VTCN1: variants seen among roughly 807,000 people sequenced by gnomAD.
The protein encoded by VTCN1 is V-set domain-containing T-cell activation inhibitor 1.
In VTCN1, 26 loss-of-function variants were observed where a neutral mutation model predicts 26.5. That is an observed-to-expected ratio of 0.98 (90% CI 0.72 to 1.36). The LOEUF (loss-of-function observed/expected upper bound fraction) is 1.36, where lower values mean the gene tolerates loss of function less well. Ranked by LOEUF, VTCN1 falls within the 40% of genes most tolerant of loss-of-function variation. The pLI is 0.00. For missense variants in VTCN1, 298 were observed against 337.7 expected, an observed-to-expected ratio of 0.88 and a Z score of 0.92; for synonymous variants, 116 against 130.7, an observed-to-expected ratio of 0.89 and a Z score of 0.77.
intron 1 of VTCN1, among the ~76,000 whole-genome samples, chr1:117,209,511 C>T (rs546584174): frequency 3.9e-4 from 59 of 152,296 alleles, no homozygotes; most frequent in African/African-American, 9.4e-4. Flanking sequence ...GAGGTGATAA[C>T]GAGTCTTCAC....
At chr1:117,186,047 C>T (rs1295554913) in intron 1 of VTCN1, among the ~76,000 whole-genome samples, 1 of 152,170 alleles carries the variant, frequency 6.6e-6, no homozygotes, top group East Asian at 1.9e-4. Flanking sequence ...GTCTCAGATA[C>T]TTTTAGTTTC....
At chr1:117,198,458 A>T (rs1179562695) in intron 1 of VTCN1, among the ~76,000 whole-genome samples, 1 of 152,212 alleles carries the variant, frequency 6.6e-6, no homozygotes, top group African/African-American at 2.4e-5. Context: ...CCATTGTTTC[A>T]CTGTACTCTG....
intron 4 of VTCN1, among the ~76,000 whole-genome samples, 174 bp downstream of exon 4, chr1:117,152,917 G>A (rs1234001827): frequency 1.3e-5 from 2 of 152,064 alleles, no homozygotes; most frequent in Admixed American, 1.3e-4. Context: ...ATTGTTTTGT[G>A]TTGGGCTTTC....
chr1:117,210,212 TCAGCAGCAGCAG>T (rs71582595), intron 1 of VTCN1, among the ~76,000 whole-genome samples: 57 of 150,122 alleles, frequency 3.8e-4, no homozygotes, highest in Non-Finnish European at 4.6e-4. Context: ...TCTGGGGAGT[TCAGCAGCAGCAG>T]CAGCAGCAGC....
intron 1 of VTCN1, among the ~76,000 whole-genome samples, chr1:117,202,427 G>T (rs1433213341): frequency 1.3e-5 from 2 of 152,150 alleles, no homozygotes; most frequent in Non-Finnish European, 2.9e-5. Flanking sequence ...AAGAGCTTCA[G>T]GGAGGTGGTG....
intron 2 of VTCN1, among the ~76,000 whole-genome samples, chr1:117,163,186 A>T (rs2101491540): frequency 6.6e-6 from 1 of 152,360 alleles, no homozygotes; most frequent in South Asian, 2.1e-4. Context: ...GCAAGGCCAG[A>T]TACGGGAACA....
chr1:117,197,424 T>C (rs1648569283), intron 1 of VTCN1, among the ~76,000 whole-genome samples: 1 of 152,134 alleles, frequency 6.6e-6, no homozygotes. Flanking sequence ...ACAGGGAACA[T>C]AGGGCCCATT....
At chr1:117,207,116 A>G (rs1649107777) in intron 1 of VTCN1, among the ~76,000 whole-genome samples, 1 of 152,174 alleles carries the variant, frequency 6.6e-6, no homozygotes, top group African/African-American at 2.4e-5. Context: ...TGTCTGAGCC[A>G]GGCACCAGCT....
rs866269054 is a variant in VTCN1 at position 117,153,194 on chromosome 1, G to A, written c.621C>T (p.Thr207=). 1 of 1,614,026 alleles carries A rather than the reference G, an allele frequency of 6.2e-7. No homozygotes were observed. The highest frequency in any genetic ancestry group is 1.3e-5 in the African/African-American group (1 of 74,898). The part of the protein sequence containing the change: ...TSFELNSENV[T]MKVVSVLYNV... ...TGTAGAGCACAGACACAACCTTCAT[G>A]GTCACATTCTCAGAGTTCAGCTCAA... The change falls in exon 4 of 6, where the codon ACC becomes ACT. Residue 207 remains threonine, a synonymous_variant. Transcript: ENST00000369458.
intron 1 of VTCN1, among the ~76,000 whole-genome samples, chr1:117,182,077 C>T (rs1304802514): frequency 6.6e-6 from 1 of 152,160 alleles, no homozygotes; most frequent in East Asian, 1.9e-4. Flanking sequence ...GGGATCAGTG[C>T]ACTGTTTATT....
intron 1 of VTCN1, among the ~76,000 whole-genome samples, chr1:117,180,452 A>G (rs1467576044): frequency 1.3e-5 from 2 of 152,220 alleles, no homozygotes; most frequent in Non-Finnish European, 2.9e-5. Flanking sequence ...TTCTCACTGC[A>G]GAGAAAAAAA....
chr1:117,183,689 A>G lies in VTCN1; in HGVS notation c.33-13518T>C, dbSNP rs1463498953. On this transcript the variant is annotated intron_variant, in intron 1 of 5. Transcript: ENST00000369458. The surrounding 1 kb of genome is among the most constrained non-coding windows in gnomAD (Gnocchi z 4.1). Reference sequence around the variant, plus strand: ...ATAGAAGTGTTTCTCTAAAAGAGAAAGGACATTGTAGGGAATGAAGAGTTA... The same window carrying G: ...ATAGAAGTGTTTCTCTAAAAGAGAAGGGACATTGTAGGGAATGAAGAGTTA... 1.3e-5 allele frequency among the ~76,000 whole-genome samples: 2 copies of G among 152,242 alleles called. No homozygotes were observed. The highest frequency in any genetic ancestry group is 2.9e-5 in the Non-Finnish European group (2 of 68,046).
rs1113673 is a variant in VTCN1, at chr1:117,184,163, C to A, written c.33-13992G>T. ...AGGGAATATATATTTTTTTCTTTAC[C>A]CAGCACCAAGACCAAGTGAGGTTGT... is the stretch of plus-strand genomic sequence containing the variant. On this transcript the variant is annotated intron_variant, in intron 1 of 5. Transcript: ENST00000369458. 8.6e-3 allele frequency among the ~76,000 whole-genome samples: 1,300 copies of A among 152,036 alleles called. 51 individuals are homozygous for A. Among genetic ancestry groups the A allele is most frequent in the Admixed American group, 0.066 (1,001 of 15,272 alleles).
chr1:117,176,001 C>T (rs1647333199), intron 1 of VTCN1, among the ~76,000 whole-genome samples: 1 of 152,110 alleles, frequency 6.6e-6, no homozygotes, highest in South Asian at 2.1e-4. Flanking sequence ...AACTCCTGAC[C>T]TCAGGTGATC....
At position 117,155,296 on chromosome 1, in the gene VTCN1, C is replaced by A. The variant is rs1652014910; in HGVS notation, c.445+1278G>T. 6.6e-6 allele frequency among the ~76,000 whole-genome samples: 1 copy of A among 152,098 alleles called. No homozygotes were observed. The highest frequency in any genetic ancestry group is 6.5e-5 in the Admixed American group (1 of 15,280). On this transcript the variant is annotated intron_variant, in intron 3 of 5. Coordinates refer to ENST00000369458, the MANE Select transcript of VTCN1 (RefSeq NM_024626.4). The surrounding 1 kb of genome is among the most constrained non-coding windows in gnomAD (Gnocchi z 4.8). Reference sequence around the variant, plus strand: ...GTTAACCTGGATCACCTGGCTAAAGCAGTGTTTGCCGGATTTCTTTGGAAG... The same window carrying A: ...GTTAACCTGGATCACCTGGCTAAAGAAGTGTTTGCCGGATTTCTTTGGAAG...
rs183106465 is a variant in VTCN1, at chr1:117,180,124, C to G, written c.33-9953G>C. ...AGATTGAAAAAAATTTCTCTCCCCCCCAGGAAGTGTCTTTCATTTGGGACT... is the reference window on the plus strand; with the variant it reads ...AGATTGAAAAAAATTTCTCTCCCCCGCAGGAAGTGTCTTTCATTTGGGACT... On this transcript the variant is annotated intron_variant, in intron 1 of 5. Transcript: ENST00000369458. Among the ~76,000 whole-genome samples, 221 of 152,248 alleles carry G rather than the reference C, an allele frequency of 1.5e-3. 1 individual carries two copies. The highest frequency in any genetic ancestry group is 5.1e-3 in the African/African-American group (211 of 41,536).
intron 1 of VTCN1, among the ~76,000 whole-genome samples, chr1:117,209,236 C>A (rs1474974904): frequency 6.6e-6 from 1 of 152,218 alleles, no homozygotes; most frequent in Non-Finnish European, 1.5e-5. Context: ...ACACCCACCT[C>A]CTGCTAATCC....
In VTCN1 at chr1:117,183,769, AC is replaced by A. The variant is rs529402515; in HGVS notation, c.33-13599del. On this transcript the variant is annotated intron_variant, in intron 1 of 5. Coordinates refer to ENST00000369458, the MANE Select transcript of VTCN1 (RefSeq NM_024626.4). The surrounding 1 kb of genome is among the most constrained non-coding windows in gnomAD (Gnocchi z 4.1). ...CTTTAAAAAAATCCTTGATAAAAAT[AC>A]TTGAAATGCTGAATAAAAAGAAAAA... Among the ~76,000 whole-genome samples the A allele has an allele frequency of 3.9e-5, 6 of 152,338 alleles. No homozygotes were observed. In the East Asian group the frequency reaches 9.6e-4, roughly 24 times the overall value.
chr1:117,210,315 G>A (rs79118438), intron 1 of VTCN1, among the ~76,000 whole-genome samples: 2,601 of 152,146 alleles, frequency 0.017, 73 homozygotes, highest in African/African-American at 0.06. Context: ...CCTGGGGAGG[G>A]GTGTTGGTGT....
Sources: allele counts gnomAD v4.1 joint callset (sites outside exome capture counted in the v4.1 genomes callset), GRCh38; gene constraint gnomAD v4.1.1; non-coding constraint Gnocchi (gnomAD v3.1); transcripts MANE v1.5; gene names NCBI Gene and HGNC (gene_info 2026-07-23, HGNC 2026-07-21).